ING1: variants seen among roughly 807,000 people sequenced by gnomAD.
ING1 encodes the protein inhibitor of growth family member 1.
ING1 carries 4 observed loss-of-function variants against 23.1 expected under a neutral mutation model. That is an observed-to-expected ratio of 0.17 (90% confidence interval 0.09 to 0.40). ING1 has a LOEUF of 0.40. Among genes scored for constraint, ING1 ranks in the 10% least tolerant of loss-of-function variants. The pLI is 1.00. For synonymous variants in ING1, 179 were observed against 166.4 expected, an observed-to-expected ratio of 1.08 and a Z score of -0.58; for missense variants, 256 against 393.8, an observed-to-expected ratio of 0.65 and a Z score of 2.96.
At chr13:110,715,025 G>GT in intron 1 of ING1, 1 of 994,870 alleles carries the variant, frequency 1.0e-6, no homozygotes, top group Non-Finnish European at 1.2e-6. Flanking sequence ...GCTCGGGGGG[G>GT]CGCGGGCAGA....
chr13:110,713,107 A>G (rs2064055628), upstream of ING1: 1 of 1,436,342 alleles, frequency 7.0e-7, no homozygotes, highest in East Asian at 2.5e-5. Context: ...TTGGGTTTCT[A>G]GTAGTAAGAG....
intron 1 of ING1, among the ~76,000 whole-genome samples, chr13:110,718,736 GT>G (rs200913841): frequency 0.011 from 1,695 of 151,662 alleles, 40 homozygotes; most frequent in African/African-American, 0.039. Flanking sequence ...TTTTATTAAT[GT>G]TTGTATATTG....
intron 1 of ING1, chr13:110,716,104 C>A: frequency 7.7e-7 from 1 of 1,297,788 alleles, no homozygotes; most frequent in Middle Eastern, 2.8e-4. Context: ...CGTGGGGTGA[C>A]CCTGGGGCTC....
At chr13:110,717,423 A>T (rs1435158414) in intron 1 of ING1, among the ~76,000 whole-genome samples, 3 of 152,084 alleles carry the variant, frequency 2.0e-5, no homozygotes, top group African/African-American at 4.8e-5. Flanking sequence ...TCTTATGTTT[A>T]CTCTAGTGTT....
Position 110,719,961 on chromosome 13 carries a change from G to A in ING1, c.*29G>A. 6.6e-7 allele frequency: 1 copy of A among 1,504,582 alleles called. No homozygotes were observed. The allele number at this position is 1,504,582 out of a possible 1,614,324, so 93.2% of individuals were successfully genotyped here. A position where few individuals can be genotyped will look rare whatever the true frequency, so the allele number is the denominator to read the frequency against. On this transcript the variant is annotated 3_prime_UTR_variant, in exon 2 of 2. Transcript: ENST00000333219. The surrounding 1 kb of genome is among the most constrained non-coding windows in gnomAD (Gnocchi z 8.9). The stretch of plus-strand genomic sequence containing the variant: ...GTGGACAGGCGCCTGGTGTGAGGAG[G>A]ACAAAATAAACCGTGTATTTATTAC...
chr13:110,719,925 A>G lies in ING1; in HGVS notation c.833A>G (p.Asn278Ser), dbSNP rs1438452137. 1.3e-6 allele frequency: 2 copies of G among 1,597,764 alleles called. No individual in the cohort carries two copies. Among genetic ancestry groups the G allele is most frequent in the Non-Finnish European group, 1.7e-6 (2 of 1,175,390 alleles). ...AAATCCAAAAAAGAGAGGGCTTACAACAGGTAGTTTGTGGACAGGCGCCTG... is the reference window on the plus strand; with the variant it reads ...AAATCCAAAAAAGAGAGGGCTTACAGCAGGTAGTTTGTGGACAGGCGCCTG... ...LEKSKKERAYNR is the reference protein window; with the variant it reads ...LEKSKKERAYSR Residue 278 changes from asparagine (N) to serine (S), a missense_variant, in exon 2 of 2, where the codon AAC becomes AGC. Coordinates refer to ENST00000333219, the MANE Select transcript of ING1 (RefSeq NM_198219.3). This position sits in a 1 kb window ranked among gnomAD's most constrained non-coding sequence, Gnocchi z 8.9.
chr13:110,713,683 G>C (rs2064068884), upstream of ING1: 1 of 985,332 alleles, frequency 1.0e-6, no homozygotes, highest in Non-Finnish European at 1.2e-6. Flanking sequence ...TTTCCCAAGT[G>C]TTTGAAACTG....
upstream of ING1, chr13:110,713,003 C>T (rs202081363): frequency 3.5e-3 from 5,410 of 1,541,516 alleles, 19 homozygotes; most frequent in South Asian, 4.3e-3. Context: ...ACTCTGCGGC[C>T]GCAGCTCAAA....
At position 110,719,995 on chromosome 13, in the gene ING1, C is replaced by A; in HGVS notation, c.*63C>A. On this transcript the variant is annotated 3_prime_UTR_variant, in exon 2 of 2. Coordinates refer to ENST00000333219, the MANE Select transcript of ING1 (RefSeq NM_198219.3). The surrounding 1 kb of genome is among the most constrained non-coding windows in gnomAD (Gnocchi z 8.9). The stretch of plus-strand genomic sequence containing the variant: ...AACCGTGTATTTATTACATTGCTGC[C>A]TTTGTTGAGGTGCAAGGAGTGTAAA... The A allele has an allele frequency of 1.6e-6, 2 of 1,228,692 alleles. No homozygotes were observed. Among genetic ancestry groups the A allele is most frequent in the Non-Finnish European group, 1.1e-6 (1 of 885,970 alleles). 76.1% of individuals were successfully genotyped at this position (1,228,692 alleles called of 1,614,324 possible). A position where few individuals can be genotyped will look rare whatever the true frequency, so the allele number is the denominator to read the frequency against.
At position 110,723,052 on chromosome 13, in the gene ING1, A is replaced by G. The variant is rs950795139; in HGVS notation, c.*3120A>G. The G allele has an allele frequency of 6.6e-6, 1 of 152,242 alleles. No homozygotes were observed. The highest frequency in any genetic ancestry group is 2.4e-5 in the African/African-American group (1 of 41,466). The allele number at this position is 152,242 out of a possible 1,614,324, so 9.4% of individuals were successfully genotyped here. A position where few individuals can be genotyped will look rare whatever the true frequency, so the allele number is the denominator to read the frequency against. ...AACCAAGTTATTACAGTTCAGATAAAGGGTCCAAAGTGTTTTCGTTATGAT... is the reference window on the plus strand; with the variant it reads ...AACCAAGTTATTACAGTTCAGATAAGGGGTCCAAAGTGTTTTCGTTATGAT... On this transcript the variant is annotated 3_prime_UTR_variant, in exon 2 of 2. Coordinates refer to ENST00000333219, the MANE Select transcript of ING1 (RefSeq NM_198219.3).
rs2064149006 is a variant in ING1 at position 110,719,131 on chromosome 13, C to G, written c.137-98C>G. On this transcript the variant is annotated intron_variant, in intron 1 of 1. Coordinates refer to ENST00000333219, the MANE Select transcript of ING1 (RefSeq NM_198219.3). This position sits in a 1 kb window ranked among gnomAD's most constrained non-coding sequence, Gnocchi z 8.9. The stretch of plus-strand genomic sequence containing the variant: ...TTCTGGGCAAGCCGTGCGCTGGCCC[C>G]TAGGCTCCCTGCCAGCCCTCTCCGT... 3 of 1,213,964 alleles carry G rather than the reference C, an allele frequency of 2.5e-6. No homozygotes were observed. The highest frequency in any genetic ancestry group is 3.5e-6 in the Non-Finnish European group (3 of 859,706). 75.2% of individuals were successfully genotyped at this position (1,213,964 alleles called of 1,614,324 possible).
chr13:110,715,050 A>G, intron 1 of ING1: 6 of 1,003,618 alleles, frequency 6.0e-6, no homozygotes, highest in Non-Finnish European at 7.1e-6. Flanking sequence ...TGGCTTGGAG[A>G]GGACTGTGGC....
Position 110,713,706 on chromosome 13 carries a change from TC to T in ING1, c.-442del. The T allele has an allele frequency of 5.1e-6, 5 of 985,268 alleles. No individual in the cohort carries two copies. The highest frequency in any genetic ancestry group is 6.0e-6 in the Non-Finnish European group (5 of 829,932). 61.0% of individuals were successfully genotyped at this position (985,268 alleles called of 1,614,324 possible). ...GTGTTTGAAACTGGTATTTGGGTTT[TC>T]CACGTTGGACAAGTGCGGCTCGGCG... On this transcript the variant is annotated 5_prime_UTR_variant, in exon 1 of 2. Transcript: ENST00000333219.
rs1211968903 is a variant in ING1 at position 110,721,350 on chromosome 13, C to T, written c.*1418C>T. The T allele has an allele frequency of 6.6e-6, 1 of 152,296 alleles. No homozygotes were observed. Among genetic ancestry groups the T allele is most frequent in the African/African-American group, 2.4e-5 (1 of 41,450 alleles). 9.4% of individuals were successfully genotyped at this position (152,296 alleles called of 1,614,324 possible). On this transcript the variant is annotated 3_prime_UTR_variant, in exon 2 of 2. Transcript: ENST00000333219. ...AATCTTGGCTCACCGCAACCTCCGC[C>T]TCCCAGGTTCAAGCGATTGTCCTGC... is the stretch of plus-strand genomic sequence containing the variant.
chr13:110,719,812 C>T lies in ING1; in HGVS notation c.720C>T (p.Cys240=), dbSNP rs1566382952. The T allele has an allele frequency of 1.2e-6, 2 of 1,613,826 alleles. No individual in the cohort carries two copies. Among genetic ancestry groups the T allele is most frequent in the Non-Finnish European group, 1.7e-6 (2 of 1,180,020 alleles). The stretch of plus-strand genomic sequence containing the variant: ...CCATCGAGTGGTTCCACTTCTCGTG[C>T]GTGGGGCTCAATCATAAACCCAAGG... ...ECPIEWFHFS[C]VGLNHKPKGK... Residue 240 remains cysteine, a synonymous_variant, in exon 2 of 2, where the codon TGC becomes TGT. Coordinates refer to ENST00000333219, the MANE Select transcript of ING1 (RefSeq NM_198219.3). The surrounding 1 kb of genome is among the most constrained non-coding windows in gnomAD (Gnocchi z 8.9).
intron 1 of ING1, among the ~76,000 whole-genome samples, chr13:110,714,760 C>A (rs1296298113): frequency 6.6e-6 from 1 of 152,198 alleles, no homozygotes; most frequent in Non-Finnish European, 1.5e-5. Context: ...TCTGGCCCTT[C>A]TTCGTCGCCC....
At chr13:110,713,221 T>G, upstream of ING1, 1 of 1,416,850 alleles carries the variant, frequency 7.1e-7, no homozygotes, top group Non-Finnish European at 9.2e-7. Context: ...CCAGTTCTGT[T>G]TCGGGCCCTA....
chr13:110,718,382 C>T (rs149463119), intron 1 of ING1, among the ~76,000 whole-genome samples: 55 of 152,336 alleles, frequency 3.6e-4, no homozygotes, highest in African/African-American at 1.1e-3. Flanking sequence ...CACCACTGCA[C>T]TCCAGCCTGG....
At position 110,719,591 on chromosome 13, in the gene ING1, G is replaced by T; in HGVS notation, c.499G>T (p.Asp167Tyr). 1.9e-6 allele frequency: 3 copies of T among 1,611,058 alleles called. No homozygotes were observed. The highest frequency in any genetic ancestry group is 2.5e-6 in the Non-Finnish European group (3 of 1,179,236). ...CCGTGAGAACGCGTCCAGCAACCACGACCACGACGACGGCGCCTCGGGCAC... is the reference window on the plus strand; with the variant it reads ...CCGTGAGAACGCGTCCAGCAACCACTACCACGACGACGGCGCCTCGGGCAC... ...ENRENASSNH[D>Y]HDDGASGTPK... Residue 167 changes from aspartate to tyrosine, a missense_variant, in exon 2 of 2, where the codon GAC becomes TAC. By Grantham distance (160) the Asp-to-Tyr change is radical. This residue lies in a region of ING1 where 209 missense variants were observed against 273.8 expected (regional missense o/e 0.76). Coordinates refer to ENST00000333219, the MANE Select transcript of ING1 (RefSeq NM_198219.3). This position sits in a 1 kb window ranked among gnomAD's most constrained non-coding sequence, Gnocchi z 8.9.
Sources: gnomAD v4.1 joint callset for allele counts (sites outside exome capture counted in the v4.1 genomes callset) on GRCh38, gnomAD v4.1.1 for gene constraint, gnomAD v4.1.1 regional missense constraint, Gnocchi (gnomAD v3.1) non-coding constraint, MANE v1.5 for transcripts, NCBI Gene and HGNC (gene_info 2026-07-23, HGNC 2026-07-21) for gene names.